Variants in EPHB6 observed in about 807,000 individuals in gnomAD.
EPHB6 encodes the protein ephrin type-B receptor 6.
Under a neutral mutation model 107.0 loss-of-function variants are expected in EPHB6, and 51 were observed. The ratio of observed to expected loss-of-function variants is 0.48; its 90% CI spans 0.38 to 0.60. The LOEUF (loss-of-function observed/expected upper bound fraction) is 0.60. EPHB6 is among the 20% of genes least tolerant of loss of function. The pLI, the probability that EPHB6 is intolerant of heterozygous loss-of-function variation, is 0.00. For missense variants in EPHB6, 1,141 were observed against 1,355.5 expected, an observed-to-expected ratio of 0.84 and a Z score of 2.48; for synonymous variants, 553 against 549.0, an observed-to-expected ratio of 1.01 and a Z score of -0.10.
intron 1 of EPHB6, among the ~76,000 whole-genome samples, chr7:142,859,185 G>C (rs1802739242): frequency 6.6e-6 from 1 of 152,206 alleles, no homozygotes; most frequent in African/African-American, 2.4e-5. Context: ...TCTCAAGCAG[G>C]CTGTGAGAGA....
intron 1 of EPHB6, among the ~76,000 whole-genome samples, chr7:142,857,487 G>A (rs1802657133): frequency 6.6e-6 from 1 of 152,220 alleles, no homozygotes. Context: ...AATTTCCTGG[G>A]CGTTTAACAG....
Position 142,870,213 on chromosome 7 carries a change from G to A in EPHB6, c.2611-1G>A, listed in dbSNP as rs1430210549. On this transcript the variant is annotated splice_acceptor_variant, in intron 17 of 19. Coordinates refer to ENST00000652003, the MANE Select transcript of EPHB6 (RefSeq NM_004445.6). LOFTEE classifies it high-confidence loss of function. ...CGTCATAGTCTTCCTCTGACCCCCA[G>A]GTACTAAATGCAATAGAGCAGGAGT... is the stretch of plus-strand genomic sequence containing the variant. 1.9e-6 allele frequency: 3 copies of A among 1,614,090 alleles called. No homozygotes were observed. In the Admixed American group the frequency reaches 5.0e-5, roughly 27 times the overall value.
chr7:142,859,109 A>G (rs1481788720), intron 1 of EPHB6, among the ~76,000 whole-genome samples: 3 of 150,428 alleles, frequency 2.0e-5, no homozygotes, highest in African/African-American at 7.3e-5. Context: ...GTTCTTTTGC[A>G]CATTCTTGTG....
In EPHB6 at chr7:142,856,172, G is replaced by A. The variant is rs8177169; in HGVS notation, c.-432+787G>A. On this transcript the variant is annotated intron_variant, in intron 1 of 19. Coordinates refer to ENST00000652003, the MANE Select transcript of EPHB6 (RefSeq NM_004445.6). ...AACCCAGGCCCTCCGCCCGCCAGGG[G>A]AACTTGACTGAGGCTCTAGGAGGGG... Among the ~76,000 whole-genome samples, 215 of 152,302 alleles carry A rather than the reference G, an allele frequency of 1.4e-3. 1 individual carries two copies. Among genetic ancestry groups the A allele is most frequent in the Non-Finnish European group, 2.5e-3 (170 of 68,022 alleles).
rs2116497124 is a variant in EPHB6, at chr7:142,870,809, C to G, written c.2974C>G (p.Leu992Val). The G allele has an allele frequency of 6.2e-7, 1 of 1,614,196 alleles. No individual in the cohort carries two copies. The highest frequency in any genetic ancestry group is 1.1e-5 in the South Asian group (1 of 91,082). ...CCTCCCCACCAGAGACCTGCCTGCC[C>G]TGGGCATCACCCTGGCTGGCCACCA... is the stretch of plus-strand genomic sequence containing the variant. Reference protein sequence around the residue: ...AQLSLEDLPALGITLAGHQKK... With the variant: ...AQLSLEDLPAVGITLAGHQKK... The change falls in exon 20 of 20, where the codon CTG (leucine) becomes GTG (valine). Residue 992 changes from leucine (L) to valine (V), a missense_variant. Physicochemically the swap from Leu to Val is conservative, Grantham distance 32. This residue lies in a region of EPHB6 where 616 missense variants were observed against 759.3 expected (regional missense o/e 0.81). Transcript: ENST00000652003.
rs1332899434 is a variant in EPHB6 at position 142,870,023 on chromosome 7, C to T, written c.2610+57C>T. On this transcript the variant is annotated intron_variant, in intron 17 of 19. Coordinates refer to ENST00000652003, the MANE Select transcript of EPHB6 (RefSeq NM_004445.6). ...CACCCCGATCCCTCCCAGGTTGGAA[C>T]ATTCTAGGACCTCCATTCTCTACTC... is the stretch of plus-strand genomic sequence containing the variant. 48 of 1,612,208 alleles carry T rather than the reference C, an allele frequency of 3.0e-5. No homozygotes were observed. In the East Asian group the frequency reaches 9.8e-4, roughly 33 times the overall value.
chr7:142,855,224 C>T lies in EPHB6; in HGVS notation c.-593C>T, dbSNP rs1802541649. The T allele has an allele frequency of 6.6e-6, 1 of 152,186 alleles. No individual in the cohort carries two copies. Among genetic ancestry groups the T allele is most frequent in the Admixed American group, 6.5e-5 (1 of 15,288 alleles). 9.4% of individuals were successfully genotyped at this position (152,186 alleles called of 1,614,324 possible). On this transcript the variant is annotated 5_prime_UTR_variant, in exon 1 of 20. Coordinates refer to ENST00000652003, the MANE Select transcript of EPHB6 (RefSeq NM_004445.6). The surrounding 1 kb of genome is among the most constrained non-coding windows in gnomAD (Gnocchi z 4.2). ...CCTGCCGCCAGCGTCAGGTCCACCC[C>T]GGAATCCCAGGGACTCTCGGCGCCG... is the stretch of plus-strand genomic sequence containing the variant.
chr7:142,864,489 C>G lies in EPHB6; in HGVS notation c.689C>G (p.Ser230Cys). 6.2e-7 allele frequency: 1 copy of G among 1,613,322 alleles called. No homozygotes were observed. Among genetic ancestry groups the G allele is most frequent in the Non-Finnish European group, 8.5e-7 (1 of 1,180,012 alleles). The change falls in exon 7 of 20, where the codon TCC (serine) becomes TGC (cysteine). Residue 230 changes from serine (S) to cysteine (C), a missense_variant. Physicochemically the swap from Ser to Cys is moderately radical, Grantham distance 112 (BLOSUM62 -1). This residue lies in a region of EPHB6 where 304 missense variants were observed against 295.7 expected (regional missense o/e 1.03). Coordinates refer to ENST00000652003, the MANE Select transcript of EPHB6 (RefSeq NM_004445.6). ...CLALVAVRLF[S>C]YTCPAVLRSF... is the part of the protein sequence containing the mutation. The stretch of plus-strand genomic sequence containing the variant: ...GCCCTGGTCGCTGTCAGGCTCTTCT[C>G]CTACACCTGCCCTGCCGTGCTCCGA...
At position 142,870,418 on chromosome 7, in the gene EPHB6, T is replaced by A; in HGVS notation, c.2804+11T>A. On this transcript the variant is annotated intron_variant, in intron 18 of 19. Coordinates refer to ENST00000652003, the MANE Select transcript of EPHB6 (RefSeq NM_004445.6). ...GGACCCAGGGGAAAGGTCTGGAGCTTGGGGCTAGAGCCTGGGAAAGCCAGG... is the reference window on the plus strand; with the variant it reads ...GGACCCAGGGGAAAGGTCTGGAGCTAGGGGCTAGAGCCTGGGAAAGCCAGG... 6.2e-7 allele frequency: 1 copy of A among 1,613,962 alleles called. No homozygotes were observed. Among genetic ancestry groups the A allele is most frequent in the Non-Finnish European group, 8.5e-7 (1 of 1,179,972 alleles).
Position 142,866,368 on chromosome 7 carries a change from C to T in EPHB6, c.1462+52C>T, listed in dbSNP as rs1228298760. The T allele has an allele frequency of 1.2e-6, 2 of 1,611,732 alleles. No homozygotes were observed. Among genetic ancestry groups the T allele is most frequent in the Non-Finnish European group, 1.7e-6 (2 of 1,179,000 alleles). ...ATCCCCTGCCTCCGCTCCTTTGAGC[C>T]CCCTTCCCTACTCCTGATCTCCAGC... is the stretch of plus-strand genomic sequence containing the variant. On this transcript the variant is annotated intron_variant, in intron 9 of 19. Transcript: ENST00000652003. The surrounding 1 kb of genome is among the most constrained non-coding windows in gnomAD (Gnocchi z 5.2).
rs1794627508 is a variant in EPHB6, at chr7:142,866,871, G to A, written c.1588-35G>A. The A allele has an allele frequency of 1.2e-6, 2 of 1,613,854 alleles. No individual in the cohort carries two copies. The highest frequency in any genetic ancestry group is 1.7e-5 in the Admixed American group (1 of 60,000). ...TAGGGGCAGAAGCAGGGGCAAGAGG[G>A]GGCCAGGCAGGGAGTGAGTGGCTGT... On this transcript the variant is annotated intron_variant, in intron 10 of 19. Coordinates refer to ENST00000652003, the MANE Select transcript of EPHB6 (RefSeq NM_004445.6). This position sits in a 1 kb window ranked among gnomAD's most constrained non-coding sequence, Gnocchi z 5.2.
chr7:142,870,049 C>A, intron 17 of EPHB6, 83 bp downstream of exon 17: 1 of 1,603,866 alleles, frequency 6.2e-7, no homozygotes, highest in Non-Finnish European at 8.5e-7. Flanking sequence ...TTCTCTACTC[C>A]GTTTGTATTC....
In EPHB6 at chr7:142,867,497, G is replaced by A; in HGVS notation, c.1751-111G>A. 1 of 877,756 alleles carries A rather than the reference G, an allele frequency of 1.1e-6. No individual in the cohort carries two copies. 54.4% of individuals were successfully genotyped at this position (877,756 alleles called of 1,614,324 possible). On this transcript the variant is annotated intron_variant, in intron 11 of 19. Coordinates refer to ENST00000652003, the MANE Select transcript of EPHB6 (RefSeq NM_004445.6). This position sits in a 1 kb window ranked among gnomAD's most constrained non-coding sequence, Gnocchi z 5.3. ...TGTGCATGGATGTGGGAGGTTTGGG[G>A]CATGCGCGTGCATGTTGTGTGTGCC...
At chr7:142,862,493 C>T (rs1237694693) in intron 3 of EPHB6, among the ~76,000 whole-genome samples, 3 of 152,204 alleles carry the variant, frequency 2.0e-5, no homozygotes, top group Non-Finnish European at 4.4e-5. Flanking sequence ...TGCCCCCTCC[C>T]TGCACTGTCT....
Position 142,867,389 on chromosome 7 carries a change from G to A in EPHB6, c.1751-219G>A. 1.5e-6 allele frequency: 1 copy of A among 650,094 alleles called. No homozygotes were observed. The highest frequency in any genetic ancestry group is 2.8e-6 in the Non-Finnish European group (1 of 357,396). 40.3% of individuals were successfully genotyped at this position (650,094 alleles called of 1,614,324 possible). A position where few individuals can be genotyped will look rare whatever the true frequency, so the allele number is the denominator to read the frequency against. On this transcript the variant is annotated intron_variant, in intron 11 of 19. Transcript: ENST00000652003. This position sits in a 1 kb window ranked among gnomAD's most constrained non-coding sequence, Gnocchi z 5.3. ...GTGTCCCTGTGTGTGGATGTGGAGG[G>A]CTGTGGGGATGTGTGTGTGTGTTGT...
In EPHB6 at chr7:142,855,252, C is replaced by A. The variant is rs1213207708; in HGVS notation, c.-565C>A. Reference sequence around the variant, plus strand: ...AATCCCAGGGACTCTCGGCGCCGAACGGACCCGGGCCGGGTGCAACGGGGT... The same window carrying A: ...AATCCCAGGGACTCTCGGCGCCGAAAGGACCCGGGCCGGGTGCAACGGGGT... On this transcript the variant is annotated 5_prime_UTR_variant, in exon 1 of 20. Transcript: ENST00000652003. The surrounding 1 kb of genome is among the most constrained non-coding windows in gnomAD (Gnocchi z 4.2). The A allele has an allele frequency of 6.6e-6, 1 of 152,134 alleles. No homozygotes were observed. The highest frequency in any genetic ancestry group is 1.5e-5 in the Non-Finnish European group (1 of 68,040). The allele number at this position is 152,134 out of a possible 1,614,324, so 9.4% of individuals were successfully genotyped here. A position where few individuals can be genotyped will look rare whatever the true frequency, so the allele number is the denominator to read the frequency against.
rs2116498124 is a variant in EPHB6, at chr7:142,870,888, G to A, written c.3053G>A (p.Gly1018Asp). The A allele has an allele frequency of 1.2e-6, 2 of 1,613,504 alleles. No homozygotes were observed. Among genetic ancestry groups the A allele is most frequent in the Non-Finnish European group, 1.7e-6 (2 of 1,179,910 alleles). ...QLLQQHLRQQ[G>D]SVEV ...CTTCAGCAACACCTGAGGCAGCAGG[G>A]CTCAGTGGAGGTCTGAGAATGACGA... The change falls in exon 20 of 20, where the codon GGC becomes GAC. Residue 1018 changes from glycine (G) to aspartate (D), a missense_variant. Gly to Asp is a moderately conservative substitution (Grantham distance 94, BLOSUM62 -1). Coordinates refer to ENST00000652003, the MANE Select transcript of EPHB6 (RefSeq NM_004445.6).
chr7:142,865,918 G>T (rs1438870177), intron 8 of EPHB6, 42 bp from the exon 9 acceptor site: 1 of 1,595,164 alleles, frequency 6.3e-7, no homozygotes, highest in Non-Finnish European at 8.6e-7. Flanking sequence ...CCCCACTGCT[G>T]CCCTCTTGGC....
rs2116448055 is a variant in EPHB6, at chr7:142,866,434, C to T, written c.1463-47C>T. On this transcript the variant is annotated intron_variant, in intron 9 of 19. Coordinates refer to ENST00000652003, the MANE Select transcript of EPHB6 (RefSeq NM_004445.6). This position sits in a 1 kb window ranked among gnomAD's most constrained non-coding sequence, Gnocchi z 5.2. ...CGCCCTCCCCTCAAGGCTGATCCTG[C>T]TCCCAGGGACTCCTATCCCCATAAT... is the stretch of plus-strand genomic sequence containing the variant. 1.2e-6 allele frequency: 2 copies of T among 1,613,442 alleles called. No homozygotes were observed. Among genetic ancestry groups the T allele is most frequent in the Non-Finnish European group, 1.7e-6 (2 of 1,179,986 alleles).
Sources: gnomAD v4.1 joint callset for allele counts (sites outside exome capture counted in the v4.1 genomes callset) on GRCh38, gnomAD v4.1.1 for gene constraint, gnomAD v4.1.1 regional missense constraint, Gnocchi (gnomAD v3.1) non-coding constraint, MANE v1.5 for transcripts, NCBI Gene and HGNC (gene_info 2026-07-23, HGNC 2026-07-21) for gene names.